The following IQSEC1 variants were observed in gnomAD, a reference collection of about 807,000 sequenced individuals.
The protein encoded by IQSEC1 is IQ motif and SEC7 domain-containing protein 1.
In IQSEC1, 31 loss-of-function variants were observed where a neutral mutation model predicts 91.0. The ratio of observed to expected loss-of-function variants is 0.34; its 90% CI spans 0.26 to 0.46. The LOEUF (loss-of-function observed/expected upper bound fraction) is 0.46, where lower values mean the gene tolerates loss of function less well. Ranked by LOEUF, IQSEC1 falls within the 20% of genes least tolerant of loss-of-function variation. The pLI, the probability that IQSEC1 is intolerant of heterozygous loss-of-function variation, is 1.00. For missense variants in IQSEC1, 1,388 were observed against 1,575.6 expected, an observed-to-expected ratio of 0.88 and a Z score of 2.02; for synonymous variants, 699 against 662.6, an observed-to-expected ratio of 1.05 and a Z score of -0.84.
Position 13,211,614 on chromosome 3 carries a change from C to G in IQSEC1, c.273-47481G>C, listed in dbSNP as rs17080948. On this transcript the variant is annotated intron_variant, in intron 1 of 15. Transcript: ENST00000648114. This position sits in a 1 kb window ranked among gnomAD's most constrained non-coding sequence, Gnocchi z 5.3. ...CACCATCCTTGCCTCTCCATGGCCC[C>G]AAAAGAAAGTCTGATCCCCTCAGCC... 0.036 allele frequency among the ~76,000 whole-genome samples: 5,471 copies of G among 152,250 alleles called. 163 individuals carry two copies. Among genetic ancestry groups the G allele is most frequent in the East Asian group, 0.13 (669 of 5,174 alleles).
At chr3:13,275,785 T>C (rs1431925213) in intron 1 of IQSEC1, among the ~76,000 whole-genome samples, 2 of 152,174 alleles carry the variant, frequency 1.3e-5, no homozygotes, top group African/African-American at 2.4e-5. Context: ...GGAGCGGCCC[T>C]AACCAAGGAC....
In IQSEC1 at chr3:12,909,520, G is replaced by A; in HGVS notation, c.2417-86C>T. ...CTCTCTGGTCAGGAAACAATGGTAGGGCTGAGTTGTGCGTGAGCCTGGGAT... is the reference window on the plus strand; with the variant it reads ...CTCTCTGGTCAGGAAACAATGGTAGAGCTGAGTTGTGCGTGAGCCTGGGAT... On this transcript the variant is annotated intron_variant, in intron 10 of 13. Transcript: ENST00000613206. The surrounding 1 kb of genome is among the most constrained non-coding windows in gnomAD (Gnocchi z 4.9). The A allele has an allele frequency of 7.3e-7, 1 of 1,367,574 alleles. No homozygotes were observed. The highest frequency in any genetic ancestry group is 1.0e-6 in the Non-Finnish European group (1 of 982,282). 84.7% of individuals were successfully genotyped at this position (1,367,574 alleles called of 1,614,324 possible).
intron 1 of IQSEC1, among the ~76,000 whole-genome samples, chr3:13,200,905 A>C (rs1403705883): frequency 6.6e-6 from 1 of 152,206 alleles, no homozygotes; most frequent in East Asian, 1.9e-4. Flanking sequence ...CAGGCATAGA[A>C]GGGTGAGTTA....
intron 1 of IQSEC1, among the ~76,000 whole-genome samples, chr3:13,035,494 C>A (rs183423740): frequency 1.3e-5 from 2 of 152,196 alleles, no homozygotes; most frequent in African/African-American, 4.8e-5. Flanking sequence ...ATAATCACCA[C>A]ACTTCATTTC....
chr3:13,023,233 C>T (rs1407147667), intron 1 of IQSEC1, among the ~76,000 whole-genome samples: 1 of 152,130 alleles, frequency 6.6e-6, no homozygotes, highest in East Asian at 1.9e-4. Context: ...CTCTGAGCAG[C>T]TGAAGGCCTT....
chr3:13,070,559 G>A (rs576566345), intron 1 of IQSEC1, among the ~76,000 whole-genome samples: 96 of 152,336 alleles, frequency 6.3e-4, no homozygotes, highest in Non-Finnish European at 1.1e-3. Flanking sequence ...TCTGGGTGGG[G>A]AGTAATGGTG....
At position 12,970,169 on chromosome 3, in the gene IQSEC1, C is replaced by G. The variant is rs1391215259; in HGVS notation, c.24-28304G>C. Among the ~76,000 whole-genome samples, 1 of 152,232 alleles carries G rather than the reference C, an allele frequency of 6.6e-6. No individual in the cohort carries two copies. The highest frequency in any genetic ancestry group is 1.5e-5 in the Non-Finnish European group (1 of 68,038). ...TTAATTTAGCAAGCATTAATTAGTACTTACTCTGAGGCCTCAGTGGGGAAA... is the reference window on the plus strand; with the variant it reads ...TTAATTTAGCAAGCATTAATTAGTAGTTACTCTGAGGCCTCAGTGGGGAAA... On this transcript the variant is annotated intron_variant, in intron 1 of 13. Transcript: ENST00000613206. This position sits in a 1 kb window ranked among gnomAD's most constrained non-coding sequence, Gnocchi z 4.4.
rs542420300 is a variant in IQSEC1 at position 12,924,814 on chromosome 3, G to A, written c.1569-72C>T. 41 of 1,404,906 alleles carry A rather than the reference G, an allele frequency of 2.9e-5. No individual in the cohort carries two copies. In the African/African-American group the frequency reaches 4.4e-4, roughly 15 times the overall value. The allele number at this position is 1,404,906 out of a possible 1,614,324, so 87.0% of individuals were successfully genotyped here. A position where few individuals can be genotyped will look rare whatever the true frequency, so the allele number is the denominator to read the frequency against. Reference sequence around the variant, plus strand: ...AGCCAGGCACCTGGAGGGGATCTCCGCTCAGTGGACGGTCGACATTCTCCC... The same window carrying A: ...AGCCAGGCACCTGGAGGGGATCTCCACTCAGTGGACGGTCGACATTCTCCC... On this transcript the variant is annotated intron_variant, in intron 3 of 13. Coordinates refer to ENST00000613206, the MANE Select transcript of IQSEC1 (RefSeq NM_001134382.3). The surrounding 1 kb of genome is among the most constrained non-coding windows in gnomAD (Gnocchi z 6.3).
chr3:12,908,534 G>C lies in IQSEC1; in HGVS notation c.2579-9C>G. The C allele has an allele frequency of 6.2e-7, 1 of 1,613,380 alleles. No homozygotes were observed. Reference sequence around the variant, plus strand: ...CTGCTTCTCGAGCTCCGCTGGAACAGAGAGGGTGAGGGTCCTGGTGAGAGG... The same window carrying C: ...CTGCTTCTCGAGCTCCGCTGGAACACAGAGGGTGAGGGTCCTGGTGAGAGG... On this transcript the variant is annotated splice_polypyrimidine_tract_variant and intron_variant, in intron 11 of 13. Coordinates refer to ENST00000613206, the MANE Select transcript of IQSEC1 (RefSeq NM_001134382.3). The surrounding 1 kb of genome is among the most constrained non-coding windows in gnomAD (Gnocchi z 4.9).
In IQSEC1 at chr3:12,913,514, G is replaced by A. The variant is rs991492074; in HGVS notation, c.2230C>T (p.Arg744Trp). 9 of 1,607,618 alleles carry A rather than the reference G, an allele frequency of 5.6e-6. No individual in the cohort carries two copies. Among genetic ancestry groups the A allele is most frequent in the East Asian group, 2.2e-5 (1 of 44,514 alleles). The change falls in exon 9 of 14, where the codon CGG becomes TGG. Residue 744 changes from arginine to tryptophan, a missense_variant. By Grantham distance (101) the Arg-to-Trp change is moderately radical (BLOSUM62 -3). This residue lies in a region of IQSEC1 where 1,059 missense variants were observed against 1,317.8 expected (regional missense o/e 0.80). Coordinates refer to ENST00000613206, the MANE Select transcript of IQSEC1 (RefSeq NM_001134382.3). ...TTTGGGTCTGGAACCTCAAAGAGCC[G>A]GCAGTAGCAGACCAACCGACGGTGG... ...LPHRRLVCYCRLFEVPDPNKP... is the reference protein window; with the variant it reads ...LPHRRLVCYCWLFEVPDPNKP...
chr3:13,166,587 G>T (rs1693501940), intron 1 of IQSEC1, among the ~76,000 whole-genome samples: 1 of 152,228 alleles, frequency 6.6e-6, no homozygotes, highest in East Asian at 1.9e-4. Context: ...AGGGATGATA[G>T]CAACAATTGG....
At chr3:13,054,220 C>G (rs996360268) in intron 1 of IQSEC1, among the ~76,000 whole-genome samples, 5 of 152,190 alleles carry the variant, frequency 3.3e-5, no homozygotes, top group Admixed American at 1.3e-4. Flanking sequence ...TCCTTTAGGA[C>G]CAATTCCCGG....
chr3:13,006,195 G>A (rs934857469), intron 1 of IQSEC1, among the ~76,000 whole-genome samples: 18 of 152,190 alleles, frequency 1.2e-4, no homozygotes, highest in African/African-American at 3.9e-4. Context: ...TGAGCTGGGG[G>A]CTACTTCCCC....
intron 2 of IQSEC1, among the ~76,000 whole-genome samples, chr3:12,938,957 T>C (rs2125331846): frequency 6.6e-6 from 1 of 152,312 alleles, no homozygotes; most frequent in African/African-American, 2.4e-5. Flanking sequence ...TCCCCAAACT[T>C]ACCGTGGGTC....
chr3:13,266,160 C>T (rs1695486822), intron 1 of IQSEC1, among the ~76,000 whole-genome samples: 1 of 152,176 alleles, frequency 6.6e-6, no homozygotes, highest in South Asian at 2.1e-4. Context: ...GAAACACTCC[C>T]CCGGAGCTCA....
chr3:13,192,235 G>A (rs908036944), intron 1 of IQSEC1, among the ~76,000 whole-genome samples: 4 of 152,012 alleles, frequency 2.6e-5, no homozygotes, highest in African/African-American at 4.8e-5. Flanking sequence ...CTACTCAGGA[G>A]GCTGAGGCAG....
In IQSEC1 at chr3:12,936,708, G is replaced by A. The variant is rs540951738; in HGVS notation, c.319-11C>T. ...TTCTAGCATCTCCACCTGCGGGTGG[G>A]AGAGGAGAATGAGAACAGCACTGCA... On this transcript the variant is annotated splice_polypyrimidine_tract_variant and intron_variant, in intron 2 of 13. Transcript: ENST00000613206. 17 of 1,557,576 alleles carry A rather than the reference G, an allele frequency of 1.1e-5. No individual in the cohort carries two copies. The highest frequency in any genetic ancestry group is 1.5e-5 in the Non-Finnish European group (17 of 1,149,952).
At chr3:13,174,896 G>C (rs550898160) in intron 1 of IQSEC1, among the ~76,000 whole-genome samples, 3 of 128,948 alleles carry the variant, frequency 2.3e-5, no homozygotes, top group Admixed American at 9.0e-5. Context: ...CAGTCCTCCC[G>C]GTGTTTCTCA....
intron 5 of IQSEC1, among the ~76,000 whole-genome samples, chr3:12,921,716 C>T (rs2600221): frequency 0.8 from 122,326 of 152,170 alleles, 49,874 homozygotes; most frequent in African/African-American, 0.91. Context: ...GCTTGTGCTC[C>T]GAGTCACTGT....
Sources: allele counts gnomAD v4.1 joint callset (sites outside exome capture counted in the v4.1 genomes callset), GRCh38; gene constraint gnomAD v4.1.1; regional missense constraint gnomAD v4.1.1; non-coding constraint Gnocchi (gnomAD v3.1); transcripts MANE v1.5; gene names NCBI Gene and HGNC (gene_info 2026-07-23, HGNC 2026-07-21).